Variants in ADK observed in about 807,000 individuals in gnomAD.
ADK encodes the protein adenosine kinase.
Under a neutral mutation model 44.7 loss-of-function variants are expected in ADK, and 24 were observed. That is an observed-to-expected ratio of 0.54 (90% CI 0.39 to 0.76). The LOEUF is 0.76. Among genes scored for constraint, ADK ranks in the 30% least tolerant of loss-of-function variants. The pLI, the probability that ADK is intolerant of heterozygous loss-of-function variation, is 0.00. For missense variants in ADK, 321 were observed against 425.1 expected (o/e 0.76, Z 2.15); for synonymous variants, 128 against 142.6 (o/e 0.90, Z 0.73).
intron 3 of ADK, among the ~76,000 whole-genome samples, chr10:74,229,268 C>T (rs187064430): frequency 8.6e-5 from 13 of 151,734 alleles, no homozygotes; most frequent in African/African-American, 3.1e-4. Context: ...ATCTTTGGTG[C>T]AGTGTAAAAA....
intron 3 of ADK, among the ~76,000 whole-genome samples, chr10:74,264,673 T>TA (rs1846153362): frequency 1.3e-5 from 2 of 152,184 alleles, no homozygotes; most frequent in South Asian, 4.1e-4. Context: ...TTTATCTTCT[T>TA]ATGCCTTATT....
chr10:74,244,105 A>T (rs998756727), intron 3 of ADK, among the ~76,000 whole-genome samples: 2 of 152,344 alleles, frequency 1.3e-5, no homozygotes, highest in Middle Eastern at 3.4e-3. Flanking sequence ...TAAAAACCAA[A>T]GCAATGTTGC....
At chr10:74,372,907 A>C (rs1326182895) in intron 4 of ADK, among the ~76,000 whole-genome samples, 1 of 152,214 alleles carries the variant, frequency 6.6e-6, no homozygotes, top group Non-Finnish European at 1.5e-5. Flanking sequence ...GAAAAAGACC[A>C]AAATTGTGTT....
intron 6 of ADK, among the ~76,000 whole-genome samples, chr10:74,507,738 A>T (rs943873274): frequency 6.6e-6 from 1 of 152,250 alleles, no homozygotes; most frequent in Non-Finnish European, 1.5e-5. Context: ...AAACAAAAAA[A>T]GTAAGAAGTG....
intron 9 of ADK, among the ~76,000 whole-genome samples, chr10:74,612,744 A>G (rs1852603557): frequency 6.6e-6 from 1 of 151,798 alleles, no homozygotes; most frequent in Non-Finnish European, 1.5e-5. Context: ...TTTTTCTAGG[A>G]TTTTTATAGT....
At chr10:74,480,281 C>G (rs1225591761) in intron 6 of ADK, among the ~76,000 whole-genome samples, 1 of 149,522 alleles carries the variant, frequency 6.7e-6, no homozygotes, top group African/African-American at 2.5e-5. Context: ...GGCTGGAGTG[C>G]AGTGTGGTAT....
intron 7 of ADK, among the ~76,000 whole-genome samples, chr10:74,561,519 A>G (rs187862588): frequency 8.5e-5 from 13 of 152,356 alleles, no homozygotes; most frequent in South Asian, 2.1e-4. Flanking sequence ...TCAGGCATCA[A>G]TATAACCTAC....
intron 7 of ADK, among the ~76,000 whole-genome samples, chr10:74,530,215 G>A (rs1276113986): frequency 6.6e-6 from 1 of 151,960 alleles, no homozygotes; most frequent in Non-Finnish European, 1.5e-5. Flanking sequence ...ATACTATAGT[G>A]ATAATGTTAT....
chr10:74,561,318 G>C (rs1185643071), intron 7 of ADK, among the ~76,000 whole-genome samples: 1 of 152,218 alleles, frequency 6.6e-6, no homozygotes, highest in African/African-American at 2.4e-5. Flanking sequence ...TAGCCTGCTA[G>C]ATGTTGTCAA....
chr10:74,408,621 A>G (rs1248103945), intron 6 of ADK, among the ~76,000 whole-genome samples: 1 of 152,200 alleles, frequency 6.6e-6, no homozygotes, highest in Non-Finnish European at 1.5e-5. Flanking sequence ...CAAAAACTTA[A>G]CTACTAATAG....
chr10:74,432,117 C>T (rs555010517), intron 6 of ADK, among the ~76,000 whole-genome samples: 2 of 151,910 alleles, frequency 1.3e-5, no homozygotes, highest in East Asian at 1.9e-4. Flanking sequence ...TCCCTTGAGC[C>T]CAGGAGGTCA....
chr10:74,516,264 C>A (rs957894483), intron 6 of ADK, among the ~76,000 whole-genome samples: 1 of 152,236 alleles, frequency 6.6e-6, no homozygotes, highest in South Asian at 2.1e-4. Flanking sequence ...CCTCCCGTCT[C>A]CAGGCAGATC....
At chr10:74,380,929 G>A (rs981998461) in intron 4 of ADK, among the ~76,000 whole-genome samples, 3 of 152,002 alleles carry the variant, frequency 2.0e-5, no homozygotes, top group African/African-American at 7.3e-5. Flanking sequence ...TCTTTTGAAG[G>A]TATTATACTA....
chr10:74,398,918 C>A (rs1034229927), intron 6 of ADK, among the ~76,000 whole-genome samples: 10 of 151,982 alleles, frequency 6.6e-5, no homozygotes. Context: ...AGGCAACTTG[C>A]ATTGTGCAGA....
intron 1 of ADK, among the ~76,000 whole-genome samples, chr10:74,189,802 A>G (rs1349049935): frequency 6.6e-6 from 1 of 152,056 alleles, no homozygotes; most frequent in Non-Finnish European, 1.5e-5. Context: ...CCTTGTCCCT[A>G]CAAATTTGCC....
intron 1 of ADK, among the ~76,000 whole-genome samples, chr10:74,187,052 T>A (rs528059432): frequency 6.6e-6 from 1 of 152,142 alleles, no homozygotes; most frequent in East Asian, 1.9e-4. Context: ...CTTTTTACAT[T>A]CCCACCAGTT....
chr10:74,398,390 C>CA, intron 5 of ADK, 81 bp from the exon 6 acceptor site: 4 of 858,968 alleles, frequency 4.7e-6, no homozygotes, highest in South Asian at 2.0e-5. Flanking sequence ...TTAAACTTTG[C>CA]AAAAAATATT....
intron 9 of ADK, among the ~76,000 whole-genome samples, chr10:74,646,446 G>T (rs1854057916): frequency 6.6e-6 from 1 of 152,146 alleles, no homozygotes; most frequent in Non-Finnish European, 1.5e-5. Flanking sequence ...GGCCCAAATT[G>T]AGCTGAATTA....
chr10:74,587,596 C>T (rs1041089689), intron 7 of ADK, among the ~76,000 whole-genome samples: 3 of 152,180 alleles, frequency 2.0e-5, no homozygotes, highest in African/African-American at 4.8e-5. Flanking sequence ...CCTTACATGG[C>T]TTGATGCTAC....
Sources: gnomAD v4.1 joint callset for allele counts (sites outside exome capture counted in the v4.1 genomes callset) on GRCh38, gnomAD v4.1.1 for gene constraint, MANE v1.5 for transcripts, NCBI Gene and HGNC (gene_info 2026-07-23, HGNC 2026-07-21) for gene names.